Variants in NUP54 observed in about 807,000 individuals in gnomAD.
NUP54 encodes the protein nucleoporin 54.
In NUP54, 27 loss-of-function variants were observed where a neutral mutation model predicts 66.4. The ratio of observed to expected loss-of-function variants is 0.41; its 90% CI spans 0.30 to 0.56. NUP54 has a LOEUF of 0.56. Ranked by LOEUF, NUP54 falls within the 20% of genes least tolerant of loss-of-function variation. The probability of loss-of-function intolerance (pLI) is 0.34; values close to 1 mark genes in which losing one functional copy is unlikely to be tolerated. For missense variants in NUP54, 486 were observed against 596.3 expected (o/e 0.82, Z 1.93); for synonymous variants, 206 against 210.7 (o/e 0.98, Z 0.19).
Position 76,132,555 on chromosome 4 carries a change from T to C in NUP54, c.875A>G (p.Gln292Arg). ...SMTRTELSPA[Q>R]IKQLLQNPPA... ...AGGATTCTGTAAAAGCTGTTTGATC[T>C]GTGCAGGAGAAAGTTCTGTTCTAGT... is the stretch of plus-strand genomic sequence containing the variant. The change falls in exon 6 of 12, where the codon CAG becomes CGG. Residue 292 changes from glutamine (Q) to arginine (R), a missense_variant. Coordinates refer to ENST00000264883, the MANE Select transcript of NUP54 (RefSeq NM_017426.4). The C allele has an allele frequency of 6.2e-7, 1 of 1,604,448 alleles. No individual in the cohort carries two copies. Among genetic ancestry groups the C allele is most frequent in the African/African-American group, 1.3e-5 (1 of 74,640 alleles).
intron 3 of NUP54, among the ~76,000 whole-genome samples, chr4:76,142,649 C>T (rs1393154076): frequency 6.6e-6 from 1 of 152,110 alleles, no homozygotes; most frequent in Non-Finnish European, 1.5e-5. Context: ...ACAGAACAAC[C>T]CCTGGAACCT....
intron 8 of NUP54, among the ~76,000 whole-genome samples, chr4:76,127,432 C>CAAAAAAAAAAA (rs59383944): frequency 1.8e-5 from 1 of 54,768 alleles, no homozygotes; most frequent in African/African-American, 6.9e-5. Context: ...ACCCCCATCT[C>CAAAAAAAAAAA]AAAAAAAAAA....
rs180884881 is a variant in NUP54 at position 76,130,770 on chromosome 4, A to G, written c.963-21T>C. The G allele has an allele frequency of 2.0e-6, 3 of 1,511,578 alleles. No individual in the cohort carries two copies. In the African/African-American group the frequency reaches 4.1e-5, roughly 21 times the overall value. 93.6% of individuals were successfully genotyped at this position (1,511,578 alleles called of 1,614,324 possible). Reference sequence around the variant, plus strand: ...TTAACCTGAAGAAACGCAGTGAACAATTTTCAGACCTTAAGCCTATTACTA... The same window carrying G: ...TTAACCTGAAGAAACGCAGTGAACAGTTTTCAGACCTTAAGCCTATTACTA... On this transcript the variant is annotated intron_variant, in intron 7 of 11. Coordinates refer to ENST00000264883, the MANE Select transcript of NUP54 (RefSeq NM_017426.4).
intron 10 of NUP54, 99 bp from the exon 11 acceptor site, chr4:76,117,873 A>G (rs1387723645): frequency 9.2e-7 from 1 of 1,083,566 alleles, no homozygotes; most frequent in Admixed American, 2.1e-5. Flanking sequence ...TCTATTAAAA[A>G]TTTCTATTTC....
intron 1 of NUP54, 89 bp from the exon 2 acceptor site, chr4:76,144,562 T>C: frequency 4.2e-6 from 4 of 959,492 alleles, no homozygotes; most frequent in South Asian, 2.1e-5. Context: ...AATTGCTACA[T>C]ATAAAATCAA....
At chr4:76,145,525 T>A in intron 1 of NUP54, 2 of 1,217,520 alleles carry the variant, frequency 1.6e-6, no homozygotes, top group Non-Finnish European at 2.1e-6. Flanking sequence ...ACTAAGTAAC[T>A]TTTCAAAGGA....
intron 1 of NUP54, among the ~76,000 whole-genome samples, chr4:76,146,786 G>C (rs1217903489): frequency 6.6e-6 from 1 of 152,148 alleles, no homozygotes; most frequent in Non-Finnish European, 1.5e-5. Context: ...AACAACCCAC[G>C]TGCATATGAA....
chr4:76,118,334 G>C (rs1179419295), intron 9 of NUP54, 140 bp from the exon 10 acceptor site: 4 of 731,768 alleles, frequency 5.5e-6, no homozygotes, highest in Non-Finnish European at 2.3e-6. Context: ...TTTGAATTAT[G>C]TTTCTGTCCA....
chr4:76,138,602 A>G (rs183915915), intron 3 of NUP54, among the ~76,000 whole-genome samples: 31 of 152,372 alleles, frequency 2.0e-4, no homozygotes, highest in Admixed American at 7.2e-4. Context: ...AACAATTGTG[A>G]TAAGTCCTTC....
At chr4:76,127,784 T>C (rs1730607917) in intron 8 of NUP54, among the ~76,000 whole-genome samples, 1 of 152,140 alleles carries the variant, frequency 6.6e-6, no homozygotes, top group African/African-American at 2.4e-5. Flanking sequence ...GAGTAAATGA[T>C]TACTGAAGTT....
intron 8 of NUP54, among the ~76,000 whole-genome samples, chr4:76,127,987 A>G (rs1730615965): frequency 6.6e-6 from 1 of 152,208 alleles, no homozygotes; most frequent in African/African-American, 2.4e-5. Context: ...AGGAATTTAA[A>G]GTACCAATAA....
At chr4:76,138,967 T>A (rs1009455303) in intron 3 of NUP54, among the ~76,000 whole-genome samples, 4 of 152,054 alleles carry the variant, frequency 2.6e-5, no homozygotes, top group South Asian at 2.1e-4. Flanking sequence ...AAATTTTTTT[T>A]AAATCCTAAC....
intron 3 of NUP54, among the ~76,000 whole-genome samples, chr4:76,143,861 TATATA>T: frequency 6.6e-6 from 1 of 152,182 alleles, no homozygotes; most frequent in Non-Finnish European, 1.5e-5. Context: ...TGTAAACTTA[TATATA>T]ATTCATTAAG....
chr4:76,124,617 T>A (rs755059961), intron 9 of NUP54, 32 bp downstream of exon 9: 2 of 976,342 alleles, frequency 2.0e-6, no homozygotes, highest in Non-Finnish European at 3.3e-6. Flanking sequence ...CATAGTCTTA[T>A]AAACACTGGG....
At chr4:76,143,879 G>A (rs1005783694) in intron 3 of NUP54, among the ~76,000 whole-genome samples, 4 of 152,066 alleles carry the variant, frequency 2.6e-5, no homozygotes, top group African/African-American at 9.7e-5. Context: ...TCATTAAGCT[G>A]TACTTTTGTG....
intron 7 of NUP54, 38 bp from the exon 8 acceptor site, chr4:76,130,787 C>T (rs1395880145): frequency 3.0e-6 from 4 of 1,320,986 alleles, no homozygotes; most frequent in African/African-American, 1.4e-5. Flanking sequence ...GACCTTAAGC[C>T]TATTACTACA....
chr4:76,131,456 A>G (rs1040612557), intron 6 of NUP54, among the ~76,000 whole-genome samples, 172 bp from the exon 7 acceptor site: 4 of 152,056 alleles, frequency 2.6e-5, no homozygotes, highest in Non-Finnish European at 5.9e-5. Context: ...AAAGTTCAAA[A>G]AAAGCACAGA....
At chr4:76,140,243 G>A (rs1216779910) in intron 3 of NUP54, among the ~76,000 whole-genome samples, 4 of 151,130 alleles carry the variant, frequency 2.6e-5, no homozygotes, top group East Asian at 1.9e-4. Context: ...TTGGTGGAGG[G>A]AAGTTGAAGG....
At chr4:76,116,183 A>G (rs565012519) in intron 11 of NUP54, among the ~76,000 whole-genome samples, 1 of 152,320 alleles carries the variant, frequency 6.6e-6, no homozygotes, top group South Asian at 2.1e-4. Flanking sequence ...TATCAACTCT[A>G]TTTAATACAA....
Sources: gnomAD v4.1 joint callset for allele counts (sites outside exome capture counted in the v4.1 genomes callset) on GRCh38, gnomAD v4.1.1 for gene constraint, MANE v1.5 for transcripts, NCBI Gene and HGNC (gene_info 2026-07-23, HGNC 2026-07-21) for gene names.